Variants in STPG2 observed in about 807,000 individuals in gnomAD.
The protein encoded by STPG2 is sperm-tail PG-rich repeat-containing protein 2.
A neutral mutation model predicts 54.2 loss-of-function variants in STPG2; 56 were observed. The ratio of observed to expected loss-of-function variants is 1.03; its 90% confidence interval spans 0.83 to 1.29. The LOEUF is 1.29. Among genes scored for constraint, STPG2 ranks in the 50% most tolerant of loss-of-function variants. STPG2 has a pLI of 0.00. For missense variants in STPG2, 596 were observed against 544.9 expected, an observed-to-expected ratio of 1.09 and a Z score of -0.93; for synonymous variants, 200 against 181.8, an observed-to-expected ratio of 1.10 and a Z score of -0.81.
Position 98,106,033 on chromosome 4 carries a change from T to C in STPG2, c.532A>G (p.Ile178Val), listed in dbSNP as rs2903150. Residue 178 changes from isoleucine to valine, a missense_variant, in exon 5 of 11, where the codon ATC (isoleucine) becomes GTC (valine). Physicochemically the swap from Ile to Val is conservative, Grantham distance 29. Coordinates refer to ENST00000295268, the MANE Select transcript of STPG2 (RefSeq NM_174952.3). ...TAATTTTGTTGTTGATCTCTCTTGA[T>C]GTTAACATTTTCATAATATGATGTC... is the stretch of plus-strand genomic sequence containing the variant. ...KKTSYYENVN[I>V]KRDQQQNYCS... The C allele has an allele frequency of 0.36, 516,140 of 1,416,244 alleles. 104,323 individuals carry two copies. The highest frequency in any genetic ancestry group is 0.44 in the African/African-American group (30,631 of 70,012). 87.7% of individuals were successfully genotyped at this position (1,416,244 alleles called of 1,614,324 possible). A position where few individuals can be genotyped will look rare whatever the true frequency, so the allele number is the denominator to read the frequency against.
chr4:97,609,439 G>A (rs924863867), intron 10 of STPG2, among the ~76,000 whole-genome samples: 3 of 151,930 alleles, frequency 2.0e-5, no homozygotes, highest in Admixed American at 6.6e-5. Flanking sequence ...CCCTATTCAG[G>A]AGAAGAGATT....
At chr4:97,795,322 A>C (rs1317568655) in intron 9 of STPG2, among the ~76,000 whole-genome samples, 1 of 152,110 alleles carries the variant, frequency 6.6e-6, no homozygotes, top group South Asian at 2.1e-4. Flanking sequence ...CATTAGGTAT[A>C]TCTCCTAATG....
At chr4:97,904,274 T>G (rs985333889) in intron 8 of STPG2, among the ~76,000 whole-genome samples, 1 of 152,188 alleles carries the variant, frequency 6.6e-6, no homozygotes, top group Non-Finnish European at 1.5e-5. Context: ...GACTGCCTCC[T>G]CAAGTGGGTC....
At chr4:98,058,278 A>G (rs1486980708) in intron 5 of STPG2, among the ~76,000 whole-genome samples, 1 of 152,180 alleles carries the variant, frequency 6.6e-6, no homozygotes, top group East Asian at 1.9e-4. Context: ...GCTAAATAAA[A>G]AAGCAAGATC....
chr4:97,740,779 A>C (rs750281015), intron 9 of STPG2, among the ~76,000 whole-genome samples: 7 of 152,126 alleles, frequency 4.6e-5, no homozygotes, highest in South Asian at 2.1e-4. Context: ...TGAAAATGGC[A>C]ATACTGCCCA....
chr4:98,129,202 G>A, intron 2 of STPG2, among the ~76,000 whole-genome samples: 1 of 152,288 alleles, frequency 6.6e-6, no homozygotes, highest in East Asian at 1.9e-4. Context: ...TATTTATCTT[G>A]CTTAGTAAAG....
intron 5 of STPG2, among the ~76,000 whole-genome samples, chr4:98,060,861 C>T (rs904513949): frequency 6.6e-6 from 1 of 152,130 alleles, no homozygotes; most frequent in Non-Finnish European, 1.5e-5. Flanking sequence ...AACTGGCTAG[C>T]CTTATATAGA....
chr4:97,548,337 T>C (rs1047948911), intron 4 of STPG2, among the ~76,000 whole-genome samples: 2 of 152,126 alleles, frequency 1.3e-5, no homozygotes, highest in Non-Finnish European at 2.9e-5. Flanking sequence ...GTGCTACTGA[T>C]GTCATGAAAG....
intron 5 of STPG2, among the ~76,000 whole-genome samples, chr4:98,071,677 C>T (rs1455423447): frequency 6.6e-6 from 1 of 152,108 alleles, no homozygotes; most frequent in Admixed American, 6.6e-5. Flanking sequence ...TGACAAAGGT[C>T]TGATATTCAG....
At chr4:97,560,723 T>A (rs1441483143) in intron 10 of STPG2, among the ~76,000 whole-genome samples, 2 of 152,072 alleles carry the variant, frequency 1.3e-5, no homozygotes, top group African/African-American at 2.4e-5. Context: ...CATGGAACAT[T>A]TGTTTCGAAA....
chr4:97,586,141 A>G (rs1050974682), intron 10 of STPG2, among the ~76,000 whole-genome samples: 1 of 151,976 alleles, frequency 6.6e-6, no homozygotes, highest in Non-Finnish European at 1.5e-5. Context: ...AATTATTTAA[A>G]AGAAACAAAT....
chr4:97,560,192 T>C (rs1257276941), intron 10 of STPG2, among the ~76,000 whole-genome samples: 1 of 152,164 alleles, frequency 6.6e-6, no homozygotes, highest in East Asian at 1.9e-4. Context: ...AAATTCTTAT[T>C]CCAACATTTT....
intron 5 of STPG2, among the ~76,000 whole-genome samples, chr4:98,097,973 G>C (rs977670844): frequency 1.3e-5 from 2 of 152,044 alleles, no homozygotes; most frequent in African/African-American, 4.8e-5. Flanking sequence ...AATTGAAGCA[G>C]ACACCAAAAG....
At chr4:98,097,368 G>C (rs1172774466) in intron 5 of STPG2, among the ~76,000 whole-genome samples, 2 of 152,040 alleles carry the variant, frequency 1.3e-5, no homozygotes, top group Admixed American at 6.6e-5. Flanking sequence ...CAGAATGAAA[G>C]ACAAAAACTA....
At chr4:97,807,146 ATAT>A (rs1727592099) in intron 9 of STPG2, among the ~76,000 whole-genome samples, 2 of 151,274 alleles carry the variant, frequency 1.3e-5, no homozygotes, top group African/African-American at 4.8e-5. Context: ...TATTGGAATA[ATAT>A]TAAGTCAATA....
At chr4:97,550,661 C>T (rs189801965) in intron 4 of STPG2, among the ~76,000 whole-genome samples, 1 of 152,294 alleles carries the variant, frequency 6.6e-6, no homozygotes, top group East Asian at 1.9e-4. Context: ...AAGAATGAAG[C>T]TGCGGACCCT....
At chr4:98,124,901 T>C (rs1013148308) in intron 3 of STPG2, among the ~76,000 whole-genome samples, 1 of 152,202 alleles carries the variant, frequency 6.6e-6, no homozygotes, top group African/African-American at 2.4e-5. Context: ...TCTAATCATG[T>C]CTGCCTGTCT....
At chr4:97,679,094 A>G (rs1241126433) in intron 10 of STPG2, among the ~76,000 whole-genome samples, 1 of 152,104 alleles carries the variant, frequency 6.6e-6, no homozygotes, top group Non-Finnish European at 1.5e-5. Flanking sequence ...ATACGTGTGC[A>G]TGTGTCTTTA....
At chr4:97,636,991 A>C (rs1721566467) in intron 10 of STPG2, among the ~76,000 whole-genome samples, 1 of 152,238 alleles carries the variant, frequency 6.6e-6, no homozygotes, top group Non-Finnish European at 1.5e-5. Context: ...AACTCATTTT[A>C]TGAGGCCAGC....
Sources: gnomAD v4.1 joint callset for allele counts (sites outside exome capture counted in the v4.1 genomes callset) on GRCh38, gnomAD v4.1.1 for gene constraint, MANE v1.5 for transcripts, NCBI Gene and HGNC (gene_info 2026-07-23, HGNC 2026-07-21) for gene names.